Variants in ABTB3 observed in about 807,000 individuals in gnomAD.
ABTB3 encodes ankyrin repeat- and BTB/POZ domain-containing protein 3.
chr12:107,622,694 G>A, the ABTB3 span, among the ~76,000 whole-genome samples: 9 of 152,112 alleles, frequency 5.9e-5, no homozygotes, highest in Admixed American at 6.5e-5. Flanking sequence ...GGGTGATCTC[G>A]AACTCCTGAC....
the ABTB3 span, among the ~76,000 whole-genome samples, chr12:107,326,194 C>T: frequency 2.0e-5 from 3 of 152,310 alleles, no homozygotes; most frequent in South Asian, 2.1e-4. Context: ...CATGAGCCCC[C>T]GTGCCTAGCC....
At chr12:107,513,242 G>C in the ABTB3 span, among the ~76,000 whole-genome samples, 3 of 152,158 alleles carry the variant, frequency 2.0e-5, no homozygotes, top group African/African-American at 7.2e-5. Flanking sequence ...CAATGCTGAT[G>C]GTTCTCTTAC....
At chr12:107,484,455 C>T in the ABTB3 span, among the ~76,000 whole-genome samples, 1 of 152,180 alleles carries the variant, frequency 6.6e-6, no homozygotes, top group East Asian at 1.9e-4. Context: ...TAGGATGCGT[C>T]AGGCAGAGTA....
chr12:107,540,129 A>T, the ABTB3 span, among the ~76,000 whole-genome samples: 16,543 of 152,188 alleles, frequency 0.11, 1,295 homozygotes, highest in East Asian at 0.25. Flanking sequence ...GAGGATTTAT[A>T]AAGAACAGAA....
At chr12:107,389,926 T>C in the ABTB3 span, among the ~76,000 whole-genome samples, 3 of 151,930 alleles carry the variant, frequency 2.0e-5, no homozygotes, top group South Asian at 2.1e-4. Flanking sequence ...AACCACTTCC[T>C]CTTCCCAAAG....
At chr12:107,491,690 G>A in the ABTB3 span, among the ~76,000 whole-genome samples, 1 of 152,146 alleles carries the variant, frequency 6.6e-6, no homozygotes, top group Non-Finnish European at 1.5e-5. Flanking sequence ...AGACGTGGTG[G>A]CATGCGCCTG....
chr12:107,414,468 A>C, the ABTB3 span, among the ~76,000 whole-genome samples: 1 of 152,136 alleles, frequency 6.6e-6, no homozygotes, highest in Non-Finnish European at 1.5e-5. Context: ...CCGAGCATGC[A>C]CCCTCATGAT....
At chr12:107,544,423 G>A in the ABTB3 span, among the ~76,000 whole-genome samples, 1 of 152,154 alleles carries the variant, frequency 6.6e-6, no homozygotes, top group East Asian at 1.9e-4. Context: ...GTGATGGGTG[G>A]TGTCCTCATG....
the ABTB3 span, among the ~76,000 whole-genome samples, chr12:107,646,227 C>G: frequency 6.6e-6 from 1 of 152,212 alleles, no homozygotes; most frequent in Non-Finnish European, 1.5e-5. Flanking sequence ...GCCTAATAAG[C>G]GTTTGTTTCA....
At chr12:107,422,582 G>T in the ABTB3 span, among the ~76,000 whole-genome samples, 1 of 152,230 alleles carries the variant, frequency 6.6e-6, no homozygotes, top group Admixed American at 6.5e-5. Context: ...GATCTTGATG[G>T]CTTGGACCTT....
At chr12:107,351,252 A>G in the ABTB3 span, among the ~76,000 whole-genome samples, 1 of 152,224 alleles carries the variant, frequency 6.6e-6, no homozygotes, top group African/African-American at 2.4e-5. Flanking sequence ...TACATATTGT[A>G]GACCCAGAGG....
At chr12:107,648,971 A>G in the ABTB3 span, among the ~76,000 whole-genome samples, 1 of 152,152 alleles carries the variant, frequency 6.6e-6, no homozygotes, top group African/African-American at 2.4e-5. Flanking sequence ...GGGAAAACAT[A>G]TGGAGACAAG....
the ABTB3 span, among the ~76,000 whole-genome samples, chr12:107,330,370 A>G: frequency 6.6e-6 from 1 of 152,200 alleles, no homozygotes; most frequent in Non-Finnish European, 1.5e-5. Flanking sequence ...CTGGTTAGGT[A>G]TTGTCATCAT....
the ABTB3 span, among the ~76,000 whole-genome samples, chr12:107,569,318 A>C: frequency 6.6e-6 from 1 of 152,180 alleles, no homozygotes; most frequent in Non-Finnish European, 1.5e-5. Context: ...GTTCACTTGC[A>C]GAGAATTTTT....
chr12:107,642,295 A>G, the ABTB3 span: 31 of 811,598 alleles, frequency 3.8e-5, no homozygotes, highest in South Asian at 4.7e-4. Context: ...CAGTCTCCTG[A>G]ACTCCCGGCC....
At chr12:107,596,506 T>A in the ABTB3 span, among the ~76,000 whole-genome samples, 3 of 152,090 alleles carry the variant, frequency 2.0e-5, no homozygotes, top group Admixed American at 2.0e-4. Flanking sequence ...CCAGCTGTAA[T>A]CGGGAGGCTG....
At chr12:107,439,044 A>G in the ABTB3 span, among the ~76,000 whole-genome samples, 8 of 152,316 alleles carry the variant, frequency 5.3e-5, no homozygotes, top group Non-Finnish European at 8.8e-5. Context: ...GTTAACAGCC[A>G]TGGAAGTGTG....
chr12:107,370,597 G>C, the ABTB3 span, among the ~76,000 whole-genome samples: 1 of 152,074 alleles, frequency 6.6e-6, no homozygotes, highest in Non-Finnish European at 1.5e-5. Flanking sequence ...TGGTCTCTGG[G>C]TCACAGGCTT....
chr12:107,406,539 T>A, the ABTB3 span, among the ~76,000 whole-genome samples: 1 of 152,056 alleles, frequency 6.6e-6, no homozygotes. Flanking sequence ...AACCTCACCA[T>A]GCATGCTCCT....
Sources: gnomAD v4.1 joint callset for allele counts (sites outside exome capture counted in the v4.1 genomes callset) on GRCh38, gnomAD v4.1.1 for gene constraint, MANE v1.5 for transcripts, NCBI Gene and HGNC (gene_info 2026-07-23, HGNC 2026-07-21) for gene names.